ELP3: variants seen among roughly 807,000 people sequenced by gnomAD.
ELP3 encodes elongator complex protein 3.
In ELP3, 56 loss-of-function variants were observed where a neutral mutation model predicts 74.9. That is an observed-to-expected ratio of 0.75 (90% CI 0.60 to 0.93). ELP3 has a LOEUF of 0.93. Ranked by LOEUF, ELP3 falls within the 40% of genes least tolerant of loss-of-function variation. The pLI, the probability that ELP3 is intolerant of heterozygous loss-of-function variation, is 0.00. For missense variants in ELP3, 573 were observed against 686.5 expected (o/e 0.83, Z 1.85); for synonymous variants, 222 against 239.8 (o/e 0.93, Z 0.68).
At chr8:28,189,517 T>C (rs1326801699) in intron 14 of ELP3, 132 bp from the exon 15 acceptor site, 5 of 736,398 alleles carry the variant, frequency 6.8e-6, no homozygotes, top group South Asian at 3.5e-5. Context: ...TCCAAACTTA[T>C]TAAGCTGAGA....
In ELP3 at chr8:28,142,373, A is replaced by G. The variant is rs117849861; in HGVS notation, c.1100+4482A>G. ...AGGAGAGTCCACAAGCTCTAATTTCAGGAGGCCCAACTGTCACATATGTTT... is the reference window on the plus strand; with the variant it reads ...AGGAGAGTCCACAAGCTCTAATTTCGGGAGGCCCAACTGTCACATATGTTT... On this transcript the variant is annotated intron_variant, in intron 10 of 14. Coordinates refer to ENST00000256398, the MANE Select transcript of ELP3 (RefSeq NM_018091.6). Among the ~76,000 whole-genome samples, 620 of 152,322 alleles carry G rather than the reference A, an allele frequency of 4.1e-3. 1 individual carries two copies. Among genetic ancestry groups the G allele is most frequent in the Middle Eastern group, 0.031 (9 of 294 alleles).
chr8:28,151,114 ATTCTG>A (rs942842341), intron 10 of ELP3, among the ~76,000 whole-genome samples: 1 of 152,098 alleles, frequency 6.6e-6, no homozygotes, highest in African/African-American at 2.4e-5. Context: ...GTTCTTGGAA[ATTCTG>A]TTCTATTTCT....
chr8:28,136,885 C>G (rs1813010758), intron 9 of ELP3, among the ~76,000 whole-genome samples: 1 of 152,166 alleles, frequency 6.6e-6, no homozygotes, highest in South Asian at 2.1e-4. Flanking sequence ...AAGGAGAATG[C>G]CTGGTGTCTC....
rs117268721 is a variant in ELP3, at chr8:28,172,079, G to A, written c.1567+10001G>A. Among the ~76,000 whole-genome samples the A allele has an allele frequency of 4.3e-3, 658 of 152,212 alleles. 4 individuals carry two copies. Among genetic ancestry groups the A allele is most frequent in the African/African-American group, 0.015 (610 of 41,554 alleles). ...ACTGTAGCTTTGTAGTAATTGGGAA[G>A]TATGAGTCTCCAACTTTGTGCTTCT... On this transcript the variant is annotated intron_variant, in intron 14 of 14. Transcript: ENST00000256398.
chr8:28,157,337 A>G (rs949130226), intron 11 of ELP3, among the ~76,000 whole-genome samples: 4 of 152,024 alleles, frequency 2.6e-5, no homozygotes, highest in African/African-American at 9.7e-5. Flanking sequence ...CATTAAGAAC[A>G]TGGAACAGTA....
intron 14 of ELP3, among the ~76,000 whole-genome samples, chr8:28,185,728 C>G (rs1006219497): frequency 1.3e-5 from 2 of 152,098 alleles, no homozygotes; most frequent in African/African-American, 4.8e-5. Flanking sequence ...TGGCTGAGCC[C>G]GCGTGGTGAT....
chr8:28,180,512 A>C (rs765230845), intron 14 of ELP3, among the ~76,000 whole-genome samples: 2 of 152,232 alleles, frequency 1.3e-5, no homozygotes, highest in Non-Finnish European at 2.9e-5. Context: ...TGAACATAGT[A>C]AGCATACCTG....
upstream of ELP3, among the ~76,000 whole-genome samples, chr8:28,091,811 A>T (rs910816611): frequency 6.6e-6 from 1 of 152,196 alleles, no homozygotes; most frequent in Admixed American, 6.5e-5. Context: ...GTTATCATGG[A>T]ATCTGTGGCC....
At chr8:28,099,676 C>A in intron 2 of ELP3, 152 bp from the exon 3 acceptor site, 1 of 853,122 alleles carries the variant, frequency 1.2e-6, no homozygotes, top group Middle Eastern at 2.8e-4. Context: ...TCTTCTATTT[C>A]CCTGATAGTC....
chr8:28,125,242 T>G (rs920794280), intron 7 of ELP3, among the ~76,000 whole-genome samples: 3 of 152,188 alleles, frequency 2.0e-5, no homozygotes, highest in Non-Finnish European at 2.9e-5. Flanking sequence ...GGAGAAGAGA[T>G]TGTATGTTGT....
intron 10 of ELP3, among the ~76,000 whole-genome samples, chr8:28,152,051 T>C (rs1187383311): frequency 2.0e-5 from 3 of 152,176 alleles, no homozygotes; most frequent in Non-Finnish European, 4.4e-5. Flanking sequence ...CAGGAGTCTC[T>C]GCTCTGTTAA....
chr8:28,152,250 G>C (rs142633278), intron 10 of ELP3, among the ~76,000 whole-genome samples: 15 of 152,250 alleles, frequency 9.9e-5, no homozygotes, highest in Middle Eastern at 3.4e-3. Context: ...CAACTTACAA[G>C]CTCCTTAAAT....
At chr8:28,105,339 A>G (rs534850693) in intron 3 of ELP3, among the ~76,000 whole-genome samples, 1 of 152,306 alleles carries the variant, frequency 6.6e-6, no homozygotes, top group Non-Finnish European at 1.5e-5. Flanking sequence ...GCAGTGAGCC[A>G]AGATCACGCC....
chr8:28,114,424 G>A (rs1460287691), intron 7 of ELP3, among the ~76,000 whole-genome samples: 1 of 152,150 alleles, frequency 6.6e-6, no homozygotes, highest in East Asian at 1.9e-4. Flanking sequence ...CATAGTGCTG[G>A]CATTTGCTTC....
chr8:28,107,335 A>G (rs949435279), intron 4 of ELP3, among the ~76,000 whole-genome samples: 1 of 152,238 alleles, frequency 6.6e-6, no homozygotes, highest in Non-Finnish European at 1.5e-5. Context: ...AACTCACAAC[A>G]GTAGACATTG....
At chr8:28,095,005 C>T (rs1412558763) in intron 1 of ELP3, among the ~76,000 whole-genome samples, 2 of 152,222 alleles carry the variant, frequency 1.3e-5, no homozygotes, top group Non-Finnish European at 1.5e-5. Flanking sequence ...TCTTCACTGT[C>T]TGTTGCATTC....
chr8:28,131,683 A>G (rs1812790805), intron 8 of ELP3, among the ~76,000 whole-genome samples: 2 of 152,228 alleles, frequency 1.3e-5, no homozygotes, highest in African/African-American at 4.8e-5. Flanking sequence ...ATGCCAAGTT[A>G]AGATGATTTA....
At chr8:28,120,623 G>A (rs879108918) in intron 7 of ELP3, among the ~76,000 whole-genome samples, 1 of 152,128 alleles carries the variant, frequency 6.6e-6, no homozygotes, top group Non-Finnish European at 1.5e-5. Flanking sequence ...ACCATTGCAC[G>A]TTCCCAAGGC....
chr8:28,129,335 T>A (rs898741386), intron 7 of ELP3, 167 bp from the exon 8 acceptor site: 6 of 628,664 alleles, frequency 9.5e-6, no homozygotes, highest in African/African-American at 7.4e-5. Context: ...CCCATGTGCA[T>A]AGTTAGGAAG....
Sources: allele counts gnomAD v4.1 joint callset (sites outside exome capture counted in the v4.1 genomes callset), GRCh38; gene constraint gnomAD v4.1.1; transcripts MANE v1.5; gene names NCBI Gene and HGNC (gene_info 2026-07-23, HGNC 2026-07-21).